The following ST8SIA3 variants were observed in gnomAD, a reference collection of about 807,000 sequenced individuals.
ST8SIA3 encodes the protein alpha-N-acetylneuraminate alpha-2,8-sialyltransferase ST8SIA3.
In ST8SIA3, 17 loss-of-function variants were observed where a neutral mutation model predicts 34.5. The observed-to-expected ratio is 0.49, with a 90% CI of 0.34 to 0.74. The LOEUF is 0.74. Among genes scored for constraint, ST8SIA3 ranks in the 30% least tolerant of loss-of-function variants. ST8SIA3 has a pLI of 0.01. For synonymous variants in ST8SIA3, 172 were observed against 176.1 expected, an observed-to-expected ratio of 0.98 and a Z score of 0.19; for missense variants, 354 against 467.8, an observed-to-expected ratio of 0.76 and a Z score of 2.24.
At chr18:57,355,479 C>T (rs1454065954) in intron 2 of ST8SIA3, among the ~76,000 whole-genome samples, 2 of 152,090 alleles carry the variant, frequency 1.3e-5, no homozygotes, top group African/African-American at 4.8e-5. Context: ...TATTCATGGT[C>T]TCATGAAAAT....
chr18:57,367,588 G>A lies in ST8SIA3; in HGVS notation c.*7311G>A, dbSNP rs2049867796. The stretch of plus-strand genomic sequence containing the variant: ...ACTCCCATAGCATTTTTAGTCTTAG[G>A]GAAGAAAATTGGCAGGGAAGAAAAA... On this transcript the variant is annotated 3_prime_UTR_variant, in exon 4 of 4. Coordinates refer to ENST00000324000, the MANE Select transcript of ST8SIA3 (RefSeq NM_015879.3). 6.6e-6 allele frequency: 1 copy of A among 152,388 alleles called. No homozygotes were observed. Among genetic ancestry groups the A allele is most frequent in the Non-Finnish European group, 1.5e-5 (1 of 68,028 alleles). 9.4% of individuals were successfully genotyped at this position (152,388 alleles called of 1,614,324 possible).
rs910228419 is a variant in ST8SIA3 at position 57,365,067 on chromosome 18, C to T, written c.*4790C>T. ...ATTATGCAGCTGATCTCCCAGCAAA[C>T]ACAGCTGTATGAAATAAGCAACTCT... On this transcript the variant is annotated 3_prime_UTR_variant, in exon 4 of 4. Transcript: ENST00000324000. The T allele has an allele frequency of 2.0e-5, 3 of 152,162 alleles. No homozygotes were observed. The highest frequency in any genetic ancestry group is 6.5e-5 in the Admixed American group (1 of 15,270). 9.4% of individuals were successfully genotyped at this position (152,162 alleles called of 1,614,324 possible). A position where few individuals can be genotyped will look rare whatever the true frequency, so the allele number is the denominator to read the frequency against.
rs1334697035 is a variant in ST8SIA3 at position 57,361,626 on chromosome 18, T to G, written c.*1349T>G. The stretch of plus-strand genomic sequence containing the variant: ...AGGAAGTAGCTGGCCATTCTCATTT[T>G]CTTTATTTCAGCCATATGAGTAGAA... On this transcript the variant is annotated 3_prime_UTR_variant, in exon 4 of 4. Coordinates refer to ENST00000324000, the MANE Select transcript of ST8SIA3 (RefSeq NM_015879.3). The G allele has an allele frequency of 6.5e-6, 1 of 152,694 alleles. No individual in the cohort carries two copies. Among genetic ancestry groups the G allele is most frequent in the Non-Finnish European group, 1.5e-5 (1 of 68,048 alleles). The allele number at this position is 152,694 out of a possible 1,614,324, so 9.5% of individuals were successfully genotyped here. A position where few individuals can be genotyped will look rare whatever the true frequency, so the allele number is the denominator to read the frequency against.
At position 57,368,881 on chromosome 18, in the gene ST8SIA3, A is replaced by G. The variant is rs1349284550; in HGVS notation, c.*8604A>G. ...CCTCATTGCCTTGTGTTCCAAACAC[A>G]GTACTGAATGCGTTGTTTTTAAATA... On this transcript the variant is annotated 3_prime_UTR_variant, in exon 4 of 4. Coordinates refer to ENST00000324000, the MANE Select transcript of ST8SIA3 (RefSeq NM_015879.3). 6.6e-6 allele frequency: 1 copy of G among 152,266 alleles called. No homozygotes were observed. Among genetic ancestry groups the G allele is most frequent in the Non-Finnish European group, 1.5e-5 (1 of 68,050 alleles). 9.4% of individuals were successfully genotyped at this position (152,266 alleles called of 1,614,324 possible). A position where few individuals can be genotyped will look rare whatever the true frequency, so the allele number is the denominator to read the frequency against.
rs780023440 is a variant in ST8SIA3 at position 57,357,387 on chromosome 18, A to G, written c.777A>G (p.Thr259=). The change falls in exon 3 of 4, where the codon ACA becomes ACG. Residue 259 remains threonine (T), a synonymous_variant. Transcript: ENST00000324000. ...ACACTTCAGCAACTGTGACCAGGAC[A>G]TTAGTTGACTTTTTTGTTGAACACA... ...FFHTSATVTR[T]LVDFFVEHRG... 1 of 1,613,114 alleles carries G rather than the reference A, an allele frequency of 6.2e-7. No homozygotes were observed. Among genetic ancestry groups the G allele is most frequent in the Non-Finnish European group, 8.5e-7 (1 of 1,179,962 alleles).
chr18:57,355,027 A>G (rs1230724), intron 2 of ST8SIA3, among the ~76,000 whole-genome samples: 3,744 of 152,278 alleles, frequency 0.025, 119 homozygotes, highest in East Asian at 0.083. Flanking sequence ...TGCTGGCCCA[A>G]ATGTATGTAG....
intron 3 of ST8SIA3, among the ~76,000 whole-genome samples, chr18:57,357,964 G>A (rs1299432505): frequency 1.3e-5 from 2 of 152,148 alleles, no homozygotes; most frequent in African/African-American, 4.8e-5. Context: ...ATATTTGAGT[G>A]CAAAAACATG....
chr18:57,366,314 G>A lies in ST8SIA3; in HGVS notation c.*6037G>A, dbSNP rs917072982. 6.6e-6 allele frequency: 1 copy of A among 152,484 alleles called. No individual in the cohort carries two copies. Among genetic ancestry groups the A allele is most frequent in the Non-Finnish European group, 1.5e-5 (1 of 68,034 alleles). The allele number at this position is 152,484 out of a possible 1,614,324, so 9.4% of individuals were successfully genotyped here. A position where few individuals can be genotyped will look rare whatever the true frequency, so the allele number is the denominator to read the frequency against. Reference sequence around the variant, plus strand: ...ATCCCAAGGTGTTCAAATATTCCACGTGACTCTTAGGAACCTCTCAACAGA... The same window carrying A: ...ATCCCAAGGTGTTCAAATATTCCACATGACTCTTAGGAACCTCTCAACAGA... On this transcript the variant is annotated 3_prime_UTR_variant, in exon 4 of 4. Transcript: ENST00000324000.
At chr18:57,359,279 G>C (rs1046257862) in intron 3 of ST8SIA3, among the ~76,000 whole-genome samples, 1 of 152,076 alleles carries the variant, frequency 6.6e-6, no homozygotes, top group Admixed American at 6.5e-5. Flanking sequence ...AAATATGGAA[G>C]GACTAATAAC....
At position 57,367,812 on chromosome 18, in the gene ST8SIA3, A is replaced by G. The variant is rs2049868998; in HGVS notation, c.*7535A>G. The G allele has an allele frequency of 6.6e-6, 1 of 152,646 alleles. No individual in the cohort carries two copies. The allele number at this position is 152,646 out of a possible 1,614,324, so 9.5% of individuals were successfully genotyped here. ...AGATCTGAACCCATACTGTGCAGAAAAGCACAAGAGCGCTTACAGCCAAGA... is the reference window on the plus strand; with the variant it reads ...AGATCTGAACCCATACTGTGCAGAAGAGCACAAGAGCGCTTACAGCCAAGA... On this transcript the variant is annotated 3_prime_UTR_variant, in exon 4 of 4. Transcript: ENST00000324000.
chr18:57,360,232 G>A lies in ST8SIA3; in HGVS notation c.1098G>A (p.Met366Ile). The change falls in exon 4 of 4, where the codon ATG becomes ATA. Residue 366 changes from methionine (M) to isoleucine (I), a missense_variant. Met to Ile is a conservative substitution (Grantham distance 10). Coordinates refer to ENST00000324000, the MANE Select transcript of ST8SIA3 (RefSeq NM_015879.3). The part of the protein sequence containing the change: ...LPAEFQLLYR[M>I]HGEGLTKLTL... ...CTGAGTTTCAGCTGCTGTACCGAAT[G>A]CATGGGGAAGGGCTCACCAAGCTGA... 6.2e-7 allele frequency: 1 copy of A among 1,614,070 alleles called. No homozygotes were observed. The highest frequency in any genetic ancestry group is 8.5e-7 in the Non-Finnish European group (1 of 1,179,998).
chr18:57,354,449 C>T lies in ST8SIA3; in HGVS notation c.227C>T (p.Thr76Met), dbSNP rs767322017. 20 of 1,614,138 alleles carry T rather than the reference C, an allele frequency of 1.2e-5. No individual in the cohort carries two copies. In the South Asian group the frequency reaches 1.6e-4, roughly 13 times the overall value. The change falls in exon 2 of 4, where the codon ACG (threonine) becomes ATG (methionine). Residue 76 changes from threonine to methionine, a missense_variant. Coordinates refer to ENST00000324000, the MANE Select transcript of ST8SIA3 (RefSeq NM_015879.3). ...CTAGACCCGTCATTCGTGCCCATTA[C>T]GAATTCTCTCACCCAGGAACTCCAA... ...KFLDPSFVPI[T>M]NSLTQELQEK...
intron 2 of ST8SIA3, among the ~76,000 whole-genome samples, chr18:57,356,650 A>G (rs1050868520): frequency 1.3e-5 from 2 of 152,246 alleles, no homozygotes; most frequent in Non-Finnish European, 2.9e-5. Context: ...CTTCACGTAG[A>G]GCAGAAAACC....
Position 57,362,350 on chromosome 18 carries a change from C to T in ST8SIA3, c.*2073C>T, listed in dbSNP as rs1343838027. ...CTAAGTGATATTAATGCCAATATTA[C>T]TTGGGCCAGATTCTGACTCTGGAGT... On this transcript the variant is annotated 3_prime_UTR_variant, in exon 4 of 4. Coordinates refer to ENST00000324000, the MANE Select transcript of ST8SIA3 (RefSeq NM_015879.3). 6.6e-6 allele frequency: 1 copy of T among 152,160 alleles called. No homozygotes were observed. The highest frequency in any genetic ancestry group is 2.4e-5 in the African/African-American group (1 of 41,442). The allele number at this position is 152,160 out of a possible 1,614,324, so 9.4% of individuals were successfully genotyped here.
rs1369589651 is a variant in ST8SIA3, at chr18:57,366,341, T to C, written c.*6064T>C. ...GACTCTTAGGAACCTCTCAACAGAC[T>C]CCCCAGTATCTTGGGAGATTACCAA... is the stretch of plus-strand genomic sequence containing the variant. On this transcript the variant is annotated 3_prime_UTR_variant, in exon 4 of 4. Coordinates refer to ENST00000324000, the MANE Select transcript of ST8SIA3 (RefSeq NM_015879.3). 1 of 152,570 alleles carries C rather than the reference T, an allele frequency of 6.6e-6. No homozygotes were observed. The highest frequency in any genetic ancestry group is 1.5e-5 in the Non-Finnish European group (1 of 68,034). The allele number at this position is 152,570 out of a possible 1,614,324, so 9.5% of individuals were successfully genotyped here.
Position 57,368,462 on chromosome 18 carries a change from C to A in ST8SIA3, c.*8185C>A, listed in dbSNP as rs2049873328. 1 of 152,160 alleles carries A rather than the reference C, an allele frequency of 6.6e-6. No individual in the cohort carries two copies. Among genetic ancestry groups the A allele is most frequent in the South Asian group, 2.1e-4 (1 of 4,818 alleles). 9.4% of individuals were successfully genotyped at this position (152,160 alleles called of 1,614,324 possible). A position where few individuals can be genotyped will look rare whatever the true frequency, so the allele number is the denominator to read the frequency against. ...ATATTGTTAATACCGTGATTCCCTGCCCGCTCACCCCGTCACTCAACACTT... is the reference window on the plus strand; with the variant it reads ...ATATTGTTAATACCGTGATTCCCTGACCGCTCACCCCGTCACTCAACACTT... On this transcript the variant is annotated 3_prime_UTR_variant, in exon 4 of 4. Transcript: ENST00000324000.
At position 57,360,184 on chromosome 18, in the gene ST8SIA3, G is replaced by A; in HGVS notation, c.1050G>A (p.Trp350Ter). The change falls in exon 4 of 4, where the codon TGG becomes TGA. Residue 350 changes from tryptophan to a stop codon, truncating the protein, a stop_gained. Coordinates refer to ENST00000324000, the MANE Select transcript of ST8SIA3 (RefSeq NM_015879.3). LOFTEE classifies it high-confidence loss of function. Reference sequence around the variant, plus strand: ...AAGGAACCAAATTTACCACCAAGTGGCAGGAGTCCCACCAGCTGCCTGCTG... The same window carrying A: ...AAGGAACCAAATTTACCACCAAGTGACAGGAGTCCCACCAGCTGCCTGCTG... ...DKKGTKFTTK[W>*]QESHQLPAEF... 1 of 1,614,128 alleles carries A rather than the reference G, an allele frequency of 6.2e-7. No homozygotes were observed. The highest frequency in any genetic ancestry group is 8.5e-7 in the Non-Finnish European group (1 of 1,180,018).
In ST8SIA3 at chr18:57,358,343, G is replaced by A. The variant is rs182109909; in HGVS notation, c.860+873G>A. Among the ~76,000 whole-genome samples the A allele has an allele frequency of 3.9e-5, 6 of 152,224 alleles. No individual in the cohort carries two copies. In the East Asian group the frequency reaches 9.6e-4, roughly 24 times the overall value. On this transcript the variant is annotated intron_variant, in intron 3 of 3. Transcript: ENST00000324000. ...AACTTCAGTTTCCCCTATGTAAGTA[G>A]CCTCAGTGTCCTAACATAGCCCTAA...
Position 57,366,856 on chromosome 18 carries a change from A to C in ST8SIA3, c.*6579A>C, listed in dbSNP as rs1393361151. 2 of 152,198 alleles carry C rather than the reference A, an allele frequency of 1.3e-5. No homozygotes were observed. Among genetic ancestry groups the C allele is most frequent in the Non-Finnish European group, 2.9e-5 (2 of 68,042 alleles). 9.4% of individuals were successfully genotyped at this position (152,198 alleles called of 1,614,324 possible). On this transcript the variant is annotated 3_prime_UTR_variant, in exon 4 of 4. Transcript: ENST00000324000. ...TGTGATGTAAGGCTGGACCATGAAA[A>C]ACAAAAATCTACTAATACACATTTG...
Sources: allele counts gnomAD v4.1 joint callset (sites outside exome capture counted in the v4.1 genomes callset), GRCh38; gene constraint gnomAD v4.1.1; transcripts MANE v1.5; gene names NCBI Gene and HGNC (gene_info 2026-07-23, HGNC 2026-07-21).